The following TMEM132C variants were observed in gnomAD, a reference collection of about 807,000 sequenced individuals.
The protein encoded by TMEM132C is protein phosphatase 1, regulatory subunit 152.
TMEM132C carries 29 observed loss-of-function variants against 61.4 expected under a neutral mutation model. The observed-to-expected ratio is 0.47, with a 90% CI of 0.35 to 0.64. The LOEUF (loss-of-function observed/expected upper bound fraction) is 0.64, where lower values mean the gene tolerates loss of function less well. TMEM132C is among the 30% of genes least tolerant of loss of function. The pLI is 0.00. For missense variants in TMEM132C, 1,408 were observed against 1,476.9 expected (o/e 0.95, Z 0.76); for synonymous variants, 656 against 633.1 (o/e 1.04, Z -0.54).
At chr12:128,594,882 G>A (rs914923014) in intron 3 of TMEM132C, among the ~76,000 whole-genome samples, 63 of 152,282 alleles carry the variant, frequency 4.1e-4, no homozygotes, top group African/African-American at 1.5e-3. Context: ...TTTCTAAATT[G>A]GAGGTCCCCT....
chr12:128,311,304 G>A (rs955801895), intron 1 of TMEM132C, among the ~76,000 whole-genome samples: 2 of 152,300 alleles, frequency 1.3e-5, no homozygotes, highest in South Asian at 2.1e-4. Flanking sequence ...AAGGTTGCAC[G>A]CAGCCTCGCC....
intron 2 of TMEM132C, among the ~76,000 whole-genome samples, chr12:128,480,548 C>T (rs1241884606): frequency 1.3e-5 from 2 of 152,228 alleles, no homozygotes; most frequent in South Asian, 2.1e-4. Context: ...GCTGCACCCC[C>T]TTTTCTGAGG....
rs1565962023 is a variant in TMEM132C at position 128,524,032 on chromosome 12, A to AG, written c.975-19925_975-19924insG. On this transcript the variant is annotated intron_variant, in intron 2 of 8. Coordinates refer to ENST00000435159, the MANE Select transcript of TMEM132C (RefSeq NM_001136103.3). The stretch of plus-strand genomic sequence containing the variant: ...CATCTCAAAAAAAAAAAAAAAAAAA[A>AG]AAAAAGCTTGAGTCGTGGTGCATTT... Among the ~76,000 whole-genome samples the AG allele has an allele frequency of 1.3e-5, 2 of 148,164 alleles. 1 individual carries two copies. Among genetic ancestry groups the AG allele is most frequent in the Non-Finnish European group, 3.0e-5 (2 of 67,458 alleles).
rs79331112 is a variant in TMEM132C, at chr12:128,549,761, C to T, written c.1121+5658C>T. 6.6e-3 allele frequency among the ~76,000 whole-genome samples: 1,002 copies of T among 152,190 alleles called. 16 individuals are homozygous for T. The highest frequency in any genetic ancestry group is 0.022 in the African/African-American group (925 of 41,516). On this transcript the variant is annotated intron_variant, in intron 3 of 8. Coordinates refer to ENST00000435159, the MANE Select transcript of TMEM132C (RefSeq NM_001136103.3). ...CAAGCAGTGCTGGCTGTGTGCCTCG[C>T]GCTCTCCAAATGCTTTGCATATAAT... is the stretch of plus-strand genomic sequence containing the variant.
intron 1 of TMEM132C, among the ~76,000 whole-genome samples, chr12:128,396,139 A>T (rs931581551): frequency 1.3e-5 from 2 of 152,084 alleles, no homozygotes; most frequent in African/African-American, 4.8e-5. Flanking sequence ...GGGGGAAAAA[A>T]CTACAAAGAA....
chr12:128,427,525 G>A (rs1393908218), intron 2 of TMEM132C, among the ~76,000 whole-genome samples: 1 of 149,946 alleles, frequency 6.7e-6, no homozygotes, highest in East Asian at 2.0e-4. Context: ...GAGGGAAGAG[G>A]CAGGCTGTGG....
intron 1 of TMEM132C, among the ~76,000 whole-genome samples, chr12:128,302,586 A>G (rs767234320): frequency 6.6e-6 from 1 of 152,214 alleles, no homozygotes; most frequent in African/African-American, 2.4e-5. Flanking sequence ...TCGTGTCACA[A>G]ATTTGGTAGC....
At chr12:128,514,743 C>T (rs1012478654) in intron 2 of TMEM132C, among the ~76,000 whole-genome samples, 3 of 152,160 alleles carry the variant, frequency 2.0e-5, no homozygotes, top group African/African-American at 7.2e-5. Context: ...TTGACCTTGA[C>T]CACAGATGGC....
chr12:128,289,196 T>C (rs1341844992), intron 1 of TMEM132C: 1 of 152,026 alleles, frequency 6.6e-6, no homozygotes, highest in Non-Finnish European at 1.5e-5. Flanking sequence ...CTGCATACTC[T>C]CACTTGTTCA....
At chr12:128,455,728 A>C (rs1366713719) in intron 2 of TMEM132C, among the ~76,000 whole-genome samples, 2 of 152,124 alleles carry the variant, frequency 1.3e-5, no homozygotes, top group Non-Finnish European at 2.9e-5. Context: ...CAGGTTGTGC[A>C]CTCCCAGCCC....
At chr12:128,306,408 T>C (rs1257288918) in intron 1 of TMEM132C, among the ~76,000 whole-genome samples, 2 of 152,152 alleles carry the variant, frequency 1.3e-5, no homozygotes, top group East Asian at 3.9e-4. Context: ...TTCATCGTGT[T>C]AGCCAGGATG....
At chr12:128,509,433 A>G (rs1314338432) in intron 2 of TMEM132C, among the ~76,000 whole-genome samples, 1 of 152,250 alleles carries the variant, frequency 6.6e-6, no homozygotes, top group African/African-American at 2.4e-5. Context: ...GTAGAGGAAC[A>G]GTCAACTATG....
At chr12:128,653,249 G>T (rs1444246312) in intron 4 of TMEM132C, among the ~76,000 whole-genome samples, 6 of 152,066 alleles carry the variant, frequency 3.9e-5, no homozygotes, top group African/African-American at 1.4e-4. Flanking sequence ...GCCAATTAGT[G>T]GTTGCTGGGG....
At chr12:128,433,387 T>C (rs1278008148) in intron 2 of TMEM132C, among the ~76,000 whole-genome samples, 1 of 152,228 alleles carries the variant, frequency 6.6e-6, no homozygotes, top group African/African-American at 2.4e-5. Flanking sequence ...TTGTGAAAGC[T>C]TTCCCCTTCT....
At chr12:128,476,870 T>G (rs765597011) in intron 2 of TMEM132C, among the ~76,000 whole-genome samples, 2 of 152,254 alleles carry the variant, frequency 1.3e-5, no homozygotes, top group Non-Finnish European at 2.9e-5. Context: ...GCAAGGAATT[T>G]TATTATACTT....
At chr12:128,429,461 A>G (rs2136036630) in intron 2 of TMEM132C, among the ~76,000 whole-genome samples, 1 of 152,278 alleles carries the variant, frequency 6.6e-6, no homozygotes, top group South Asian at 2.1e-4. Flanking sequence ...TCTGTGGATC[A>G]CGAATGTGCC....
rs147786799 is a variant in TMEM132C, at chr12:128,369,118, T to C, written c.86-45614T>C. 2.4e-4 allele frequency among the ~76,000 whole-genome samples: 36 copies of C among 152,344 alleles called. No individual in the cohort carries two copies. In the East Asian group the frequency reaches 2.5e-3, roughly 11 times the overall value. The stretch of plus-strand genomic sequence containing the variant: ...TTACTTTTTATGACAGTGACAAATA[T>C]GATAATGAGATGAGGATGGTGATAA... On this transcript the variant is annotated intron_variant, in intron 1 of 8. Coordinates refer to ENST00000435159, the MANE Select transcript of TMEM132C (RefSeq NM_001136103.3).
intron 8 of TMEM132C, among the ~76,000 whole-genome samples, chr12:128,701,273 A>G (rs1444171078): frequency 1.3e-5 from 2 of 150,116 alleles, no homozygotes; most frequent in Non-Finnish European, 2.9e-5. Context: ...AAAGTTGATC[A>G]TTGAAAGTTG....
chr12:128,602,831 C>A (rs746476119), intron 3 of TMEM132C, among the ~76,000 whole-genome samples: 9 of 152,242 alleles, frequency 5.9e-5, no homozygotes, highest in Non-Finnish European at 1.0e-4. Context: ...GCATCCCAAG[C>A]TAATCCTGAT....
Sources: gnomAD v4.1 joint callset for allele counts (sites outside exome capture counted in the v4.1 genomes callset) on GRCh38, gnomAD v4.1.1 for gene constraint, MANE v1.5 for transcripts, NCBI Gene and HGNC (gene_info 2026-07-23, HGNC 2026-07-21) for gene names.